Variants in ACACA observed in about 807,000 individuals in gnomAD.
ACACA encodes the protein acetyl-CoA carboxylase alpha.
In ACACA, 103 loss-of-function variants were observed where a neutral mutation model predicts 296.1. That is an observed-to-expected ratio of 0.35 (90% CI 0.30 to 0.41). The LOEUF is 0.41. ACACA is among the 10% of genes least tolerant of loss of function. ACACA has a pLI of 1.00. For missense variants in ACACA, 1,554 were observed against 2,989.7 expected (o/e 0.52, Z 11.20); for synonymous variants, 953 against 1,038.6 (o/e 0.92, Z 1.58).
At chr17:37,342,508 A>G (rs2048432682) in intron 1 of ACACA, among the ~76,000 whole-genome samples, 1 of 146,374 alleles carries the variant, frequency 6.8e-6, no homozygotes, top group Non-Finnish European at 1.5e-5. Flanking sequence ...TTAAATACAT[A>G]TATATATCCT....
chr17:37,383,864 T>G (rs1338426511), intron 1 of ACACA, among the ~76,000 whole-genome samples: 1 of 152,138 alleles, frequency 6.6e-6, no homozygotes, highest in Non-Finnish European at 1.5e-5. Context: ...AACAACCAAT[T>G]TATGTATGAA....
At position 37,087,206 on chromosome 17, in the gene ACACA, G is replaced by C; in HGVS notation, c.*110C>G. 2.7e-6 allele frequency: 4 copies of C among 1,464,538 alleles called. No individual in the cohort carries two copies. The highest frequency in any genetic ancestry group is 3.8e-6 in the Non-Finnish European group (4 of 1,051,052). The allele number at this position is 1,464,538 out of a possible 1,614,324, so 90.7% of individuals were successfully genotyped here. A position where few individuals can be genotyped will look rare whatever the true frequency, so the allele number is the denominator to read the frequency against. On this transcript the variant is annotated 3_prime_UTR_variant, in exon 56 of 56. Coordinates refer to ENST00000616317, the MANE Select transcript of ACACA (RefSeq NM_198834.3). ...AACGAGAGGAAGTAAAATGCCATTT[G>C]ACTCCAGTGCTGGGTCTCCTGTGCC...
At chr17:37,171,718 C>A (rs2076890556) in intron 41 of ACACA, among the ~76,000 whole-genome samples, 1 of 152,034 alleles carries the variant, frequency 6.6e-6, no homozygotes, top group African/African-American at 2.4e-5. Context: ...AGAGGTAATT[C>A]TTTGAAAATG....
At chr17:37,141,405 TCAGGCACCCCC>T in intron 45 of ACACA, 1 of 329,006 alleles carries the variant, frequency 3.0e-6, no homozygotes, top group Non-Finnish European at 5.9e-6. Context: ...GTTCCCCATC[TCAGGCACCCCC>T]ACACCTGGCT....
chr17:37,291,672 T>C (rs1234104368), intron 3 of ACACA, among the ~76,000 whole-genome samples: 6 of 152,182 alleles, frequency 3.9e-5, no homozygotes, highest in Non-Finnish European at 8.8e-5. Flanking sequence ...AGATCTTTGC[T>C]GCCCATGTCT....
chr17:37,102,752 C>T (rs1214386803), intron 52 of ACACA, among the ~76,000 whole-genome samples: 2 of 152,232 alleles, frequency 1.3e-5, no homozygotes, highest in Non-Finnish European at 2.9e-5. Context: ...TTTGGCTTCG[C>T]CAAGTTGGAA....
intron 3 of ACACA, among the ~76,000 whole-genome samples, chr17:37,292,658 C>G (rs1259480118): frequency 6.6e-6 from 1 of 152,176 alleles, no homozygotes; most frequent in African/African-American, 2.4e-5. Context: ...GAATTCAAGG[C>G]CAGCCTTGCC....
intron 45 of ACACA, among the ~76,000 whole-genome samples, chr17:37,144,709 C>T (rs1244108537): frequency 6.6e-6 from 1 of 152,202 alleles, no homozygotes; most frequent in African/African-American, 2.4e-5. Context: ...TAGCCCCCTA[C>T]CAAACTAATG....
intron 1 of ACACA, among the ~76,000 whole-genome samples, chr17:37,345,039 G>A (rs368665021): frequency 1.7e-4 from 26 of 152,150 alleles, no homozygotes; most frequent in African/African-American, 5.3e-4. Context: ...AAGATTTTCC[G>A]GTCCTCTTTC....
intron 52 of ACACA, among the ~76,000 whole-genome samples, chr17:37,100,547 A>T (rs1179419089): frequency 6.6e-6 from 1 of 152,036 alleles, no homozygotes; most frequent in Non-Finnish European, 1.5e-5. Context: ...AGGTCAAAGA[A>T]TCAGTCCAGA....
intron 11 of ACACA, among the ~76,000 whole-genome samples, chr17:37,262,409 T>C (rs947440467): frequency 1.3e-5 from 2 of 152,294 alleles, no homozygotes; most frequent in East Asian, 1.9e-4. Context: ...CATAATCTTG[T>C]GTGAGTTAGC....
At chr17:37,337,438 GTAAA>G (rs1403953167) in intron 2 of ACACA, among the ~76,000 whole-genome samples, 2 of 141,086 alleles carry the variant, frequency 1.4e-5, no homozygotes, top group Non-Finnish European at 3.1e-5. Flanking sequence ...AAAAAGAAAA[GTAAA>G]GAAAACTATA....
intron 11 of ACACA, among the ~76,000 whole-genome samples, chr17:37,260,296 A>ATTTT (rs1165828702): frequency 1.1e-3 from 21 of 18,978 alleles, no homozygotes; most frequent in East Asian, 9.0e-3. Context: ...ATATATATAT[A>ATTTT]TTTTTTTTTT....
chr17:37,299,237 T>A lies in ACACA; in HGVS notation c.339-14267A>T, dbSNP rs752231583. 5.7e-6 allele frequency: 9 copies of A among 1,590,036 alleles called. No homozygotes were observed. In the South Asian group the frequency reaches 7.8e-5, roughly 14 times the overall value. On this transcript the variant is annotated intron_variant, in intron 3 of 55. Coordinates refer to ENST00000616317, the MANE Select transcript of ACACA (RefSeq NM_198834.3). ...AGCTGTCAGTACCTTACTGTTTTTT[T>A]AAAGATATATATATTACCCAAATGT...
chr17:37,251,126 T>C (rs75850957), intron 16 of ACACA, among the ~76,000 whole-genome samples: 1,732 of 152,242 alleles, frequency 0.011, 39 homozygotes, highest in African/African-American at 0.038. Context: ...TTTGACATAT[T>C]TGTACACCAA....
At chr17:37,350,817 T>C (rs1244119644) in intron 1 of ACACA, among the ~76,000 whole-genome samples, 10 of 151,138 alleles carry the variant, frequency 6.6e-5, no homozygotes, top group Admixed American at 6.6e-4. Flanking sequence ...CCAACGTACA[T>C]GGCCCCCTTT....
intron 1 of ACACA, chr17:37,387,210 C>G (rs902219757): frequency 3.9e-5 from 6 of 152,388 alleles, no homozygotes; most frequent in Non-Finnish European, 7.3e-5. Flanking sequence ...ACCTCCCCCT[C>G]CTGGGTTCAA....
intron 1 of ACACA, among the ~76,000 whole-genome samples, chr17:37,400,522 C>G (rs1429713384): frequency 6.6e-6 from 1 of 152,244 alleles, no homozygotes; most frequent in African/African-American, 2.4e-5. Context: ...CCAAAATCTT[C>G]CAATTCTTTC....
chr17:37,379,309 C>G (rs556133337), intron 1 of ACACA: 2 of 1,613,886 alleles, frequency 1.2e-6, no homozygotes, highest in African/African-American at 1.3e-5. Context: ...CCCGCAGAAA[C>G]AGCTCTGCCT....
Sources: allele counts gnomAD v4.1 joint callset (sites outside exome capture counted in the v4.1 genomes callset), GRCh38; gene constraint gnomAD v4.1.1; transcripts MANE v1.5; gene names NCBI Gene and HGNC (gene_info 2026-07-23, HGNC 2026-07-21).